ACVR1: variants seen among roughly 807,000 people sequenced by gnomAD.
The protein encoded by ACVR1 is activin A receptor type 1, also known as activin receptor type-1.
ACVR1 carries 38 observed loss-of-function variants against 57.1 expected under a neutral mutation model. That is an observed-to-expected ratio of 0.67 (90% CI 0.51 to 0.87). The LOEUF (loss-of-function observed/expected upper bound fraction) is 0.87. ACVR1 is among the 40% of genes least tolerant of loss of function. The probability of loss-of-function intolerance (pLI) is 0.00; values close to 1 mark genes in which losing one functional copy is unlikely to be tolerated. For missense variants in ACVR1, 463 were observed against 638.2 expected, an observed-to-expected ratio of 0.73 and a Z score of 2.96; for synonymous variants, 212 against 228.1, an observed-to-expected ratio of 0.93 and a Z score of 0.63.
intron 5 of ACVR1, among the ~76,000 whole-genome samples, chr2:157,777,442 A>G (rs1034546922): frequency 1.3e-5 from 2 of 152,256 alleles, no homozygotes; most frequent in East Asian, 1.9e-4. Flanking sequence ...ATAATTTTTT[A>G]ATCGATTATA....
chr2:157,746,320 G>A (rs528157454), intron 9 of ACVR1, among the ~76,000 whole-genome samples: 50 of 152,270 alleles, frequency 3.3e-4, no homozygotes, highest in Middle Eastern at 6.8e-3. Flanking sequence ...CTTTAAAGTA[G>A]ATATTATTAT....
At chr2:157,790,461 C>G (rs973164575) in intron 3 of ACVR1, among the ~76,000 whole-genome samples, 1 of 152,174 alleles carries the variant, frequency 6.6e-6, no homozygotes, top group Admixed American at 6.5e-5. Flanking sequence ...CTTATTGACA[C>G]TCCATGGCAA....
chr2:157,748,643 AC>A (rs1451645952), intron 9 of ACVR1, among the ~76,000 whole-genome samples: 3 of 152,116 alleles, frequency 2.0e-5, no homozygotes, highest in African/African-American at 4.8e-5. Context: ...AAAAAAAAAA[AC>A]AACTTTAAAA....
chr2:157,775,614 A>G (rs1686251646), intron 5 of ACVR1, among the ~76,000 whole-genome samples: 1 of 152,234 alleles, frequency 6.6e-6, no homozygotes, highest in South Asian at 2.1e-4. Context: ...CTTAAAAACC[A>G]CAAAAGGGAT....
chr2:157,857,554 T>C (rs1055642628), intron 1 of ACVR1, among the ~76,000 whole-genome samples: 2 of 152,194 alleles, frequency 1.3e-5, no homozygotes, highest in African/African-American at 4.8e-5. Context: ...CAAAGGCTTT[T>C]TTCTCCCTGT....
chr2:157,742,818 A>G (rs1328483651), intron 9 of ACVR1, among the ~76,000 whole-genome samples: 1 of 152,144 alleles, frequency 6.6e-6, no homozygotes, highest in Non-Finnish European at 1.5e-5. Context: ...CCTGAACTAG[A>G]CAGCCATCTT....
intron 6 of ACVR1, among the ~76,000 whole-genome samples, chr2:157,770,882 A>G (rs1237765021): frequency 6.6e-6 from 1 of 152,218 alleles, no homozygotes. Context: ...AATGGTACAG[A>G]TTATTAAATT....
chr2:157,744,782 A>G (rs1684902883), intron 9 of ACVR1, among the ~76,000 whole-genome samples: 1 of 152,238 alleles, frequency 6.6e-6, no homozygotes. Flanking sequence ...CAGATAAAAC[A>G]TGACTAATGA....
chr2:157,784,818 C>T (rs911546133), intron 3 of ACVR1, among the ~76,000 whole-genome samples: 2 of 152,244 alleles, frequency 1.3e-5, no homozygotes, highest in Admixed American at 1.3e-4. Context: ...CCTGGGCACA[C>T]CTCCTCCGAG....
rs1447777270 is a variant in ACVR1 at position 157,778,480 on chromosome 2, C to T, written c.332-138G>A. ...CTCACGAAGTATTAAAACTAAAACA[C>T]TTCCTAATGCCTGGCCAATGGCCCA... On this transcript the variant is annotated intron_variant, in intron 4 of 10. Transcript: ENST00000434821. 7 of 713,098 alleles carry T rather than the reference C, an allele frequency of 9.8e-6. No homozygotes were observed. In the African/African-American group the frequency reaches 1.1e-4, roughly 11 times the overall value. The allele number at this position is 713,098 out of a possible 1,614,324, so 44.2% of individuals were successfully genotyped here.
chr2:157,787,457 G>A (rs569703614), intron 3 of ACVR1, among the ~76,000 whole-genome samples: 2 of 152,176 alleles, frequency 1.3e-5, no homozygotes, highest in Non-Finnish European at 2.9e-5. Flanking sequence ...TCTCCTCAGC[G>A]TATGTGCCAA....
intron 9 of ACVR1, among the ~76,000 whole-genome samples, chr2:157,747,021 G>C (rs1242976870): frequency 6.6e-6 from 1 of 152,136 alleles, no homozygotes; most frequent in Admixed American, 6.5e-5. Flanking sequence ...TGGTTCACTT[G>C]AGGATCATAT....
At chr2:157,850,330 C>G (rs1175876827) in intron 1 of ACVR1, among the ~76,000 whole-genome samples, 1 of 151,024 alleles carries the variant, frequency 6.6e-6, no homozygotes, top group Non-Finnish European at 1.5e-5. Flanking sequence ...GCAGAGGTTG[C>G]AGTGAGCTGA....
At chr2:157,761,810 G>C (rs982533635) in intron 8 of ACVR1, among the ~76,000 whole-genome samples, 1 of 152,154 alleles carries the variant, frequency 6.6e-6, no homozygotes, top group African/African-American at 2.4e-5. Context: ...ATTTGTGGAT[G>C]ATTTTATGTT....
At chr2:157,844,174 G>A (rs1004599472) in intron 1 of ACVR1, among the ~76,000 whole-genome samples, 2 of 152,164 alleles carry the variant, frequency 1.3e-5, no homozygotes, top group African/African-American at 4.8e-5. Context: ...ACTGTGCTGT[G>A]GGAGATCAAG....
intron 7 of ACVR1, among the ~76,000 whole-genome samples, chr2:157,766,798 T>C (rs576557358): frequency 1.1e-4 from 17 of 152,324 alleles, no homozygotes; most frequent in South Asian, 1.0e-3. Context: ...ACCAAGATGA[T>C]AGTGTTTGCT....
intron 1 of ACVR1, among the ~76,000 whole-genome samples, chr2:157,839,666 A>G (rs894972309): frequency 6.6e-6 from 1 of 152,186 alleles, no homozygotes; most frequent in Non-Finnish European, 1.5e-5. Flanking sequence ...ATCCATTATG[A>G]CCTACTGTAA....
chr2:157,856,230 C>A (rs1258893645), intron 1 of ACVR1, among the ~76,000 whole-genome samples: 1 of 152,168 alleles, frequency 6.6e-6, no homozygotes, highest in Non-Finnish European at 1.5e-5. Flanking sequence ...ATCAGCTCTG[C>A]ATTACTCCAA....
chr2:157,795,244 T>C (rs1393824150), intron 3 of ACVR1, among the ~76,000 whole-genome samples: 1 of 152,222 alleles, frequency 6.6e-6, no homozygotes, highest in Non-Finnish European at 1.5e-5. Flanking sequence ...TTATCTCTTT[T>C]GGATTAAGTA....
Sources: allele counts gnomAD v4.1 joint callset (sites outside exome capture counted in the v4.1 genomes callset), GRCh38; gene constraint gnomAD v4.1.1; transcripts MANE v1.5; gene names NCBI Gene and HGNC (gene_info 2026-07-23, HGNC 2026-07-21).